TNC: variants seen among roughly 807,000 people sequenced by gnomAD.
The protein encoded by TNC is tenascin C, also known as tenascin.
A neutral mutation model predicts 202.4 loss-of-function variants in TNC; 109 were observed. That is an observed-to-expected ratio of 0.54 (90% CI 0.46 to 0.63). TNC has a LOEUF of 0.63. Among genes scored for constraint, TNC ranks in the 30% least tolerant of loss-of-function variants. The pLI is 0.00. For synonymous variants in TNC, 1,007 were observed against 1,089.7 expected, an observed-to-expected ratio of 0.92 and a Z score of 1.50; for missense variants, 2,756 against 2,833.3, an observed-to-expected ratio of 0.97 and a Z score of 0.62.
chr9:115,033,002 G>T (rs1830061421), intron 22 of TNC, among the ~76,000 whole-genome samples: 1 of 152,334 alleles, frequency 6.6e-6, no homozygotes, highest in South Asian at 2.1e-4. Flanking sequence ...AGCCAGCTTA[G>T]TTTGGGCAGT....
intron 6 of TNC, among the ~76,000 whole-genome samples, chr9:115,079,525 A>G (rs1469042835): frequency 6.6e-6 from 1 of 152,168 alleles, no homozygotes; most frequent in Non-Finnish European, 1.5e-5. Flanking sequence ...CCCTTGCATT[A>G]AAGAAGTTGG....
chr9:115,079,227 C>CTT (rs61492592), intron 6 of TNC, among the ~76,000 whole-genome samples: 1 of 143,168 alleles, frequency 7.0e-6, no homozygotes, highest in Non-Finnish European at 1.5e-5. Context: ...TCTTCTTCTC[C>CTT]TTTTTTTTTT....
chr9:115,087,351 T>G, intron 2 of TNC, 78 bp from the exon 3 acceptor site: 1 of 1,472,630 alleles, frequency 6.8e-7, no homozygotes, highest in Non-Finnish European at 9.2e-7. Context: ...GCACCCAGAT[T>G]CAAATTCAGC....
intron 3 of TNC, among the ~76,000 whole-genome samples, chr9:115,085,250 TA>T (rs967765435): frequency 1.2e-4 from 18 of 151,984 alleles, no homozygotes; most frequent in African/African-American, 4.1e-4. Flanking sequence ...TCTTTAGGAT[TA>T]AAAAAACAAA....
rs1832626169 is a variant in TNC at position 115,062,591 on chromosome 9, AG to A, written c.4033+325del. On this transcript the variant is annotated intron_variant, in intron 13 of 27. Coordinates refer to ENST00000350763, the MANE Select transcript of TNC (RefSeq NM_002160.4). ...ACCATTGCATTCTAGCCTGGGCAAA[AG>A]AATGAGACCCTGACTCAAAAAAAAA... Among the ~76,000 whole-genome samples, 6 of 147,638 alleles carry A rather than the reference AG, an allele frequency of 4.1e-5. No individual in the cohort carries two copies. In the South Asian group the frequency reaches 1.3e-3, roughly 32 times the overall value.
rs77857142 is a variant in TNC, at chr9:115,088,303, G to A, written c.458-1030C>T. ...GGAAGGTTGGCTCAAGTTGGTATGTGGGTTTATATAACCAAAACATTCTAA... is the reference window on the plus strand; with the variant it reads ...GGAAGGTTGGCTCAAGTTGGTATGTAGGTTTATATAACCAAAACATTCTAA... On this transcript the variant is annotated intron_variant, in intron 2 of 27. Transcript: ENST00000350763. Among the ~76,000 whole-genome samples the A allele has an allele frequency of 6.5e-3, 985 of 152,218 alleles. 11 individuals carry two copies. The highest frequency in any genetic ancestry group is 0.023 in the African/African-American group (952 of 41,526).
intron 19 of TNC, 54 bp downstream of exon 19, chr9:115,040,887 G>A (rs1286342078): frequency 9.1e-6 from 14 of 1,538,174 alleles, no homozygotes; most frequent in African/African-American, 1.4e-5. Context: ...GGATGCACAA[G>A]TGACCTCTGA....
chr9:115,070,638 T>A (rs765423125), intron 10 of TNC, among the ~76,000 whole-genome samples: 1 of 152,160 alleles, frequency 6.6e-6, no homozygotes, highest in Non-Finnish European at 1.5e-5. Flanking sequence ...CCAGGAAAAA[T>A]TCTTCAGGGC....
intron 21 of TNC, chr9:115,035,601 T>C (rs1564416469): frequency 2.8e-6 from 1 of 355,982 alleles, no homozygotes; most frequent in Non-Finnish European, 5.1e-6. Flanking sequence ...GTGAACATCA[T>C]TATCAAGCCC....
chr9:115,050,933 T>C (rs886320513), intron 15 of TNC, among the ~76,000 whole-genome samples: 43 of 152,176 alleles, frequency 2.8e-4, no homozygotes, highest in Admixed American at 5.9e-4. Context: ...AAATCCTCAC[T>C]CTTCCAGGAC....
At chr9:115,048,126 G>T in intron 16 of TNC, 134 bp downstream of exon 16, 1 of 1,132,254 alleles carries the variant, frequency 8.8e-7, no homozygotes, top group Non-Finnish European at 1.3e-6. Flanking sequence ...TGGGGAGAAG[G>T]TGAAACAGTA....
intron 19 of TNC, 65 bp from the exon 20 acceptor site, chr9:115,038,445 G>C (rs979585374): frequency 6.3e-7 from 1 of 1,583,902 alleles, no homozygotes; most frequent in South Asian, 1.2e-5. Flanking sequence ...TAGCTGCTCT[G>C]CTGTCCACAC....
chr9:115,117,023 C>T (rs1453744014), intron 1 of TNC, among the ~76,000 whole-genome samples: 1 of 152,184 alleles, frequency 6.6e-6, no homozygotes, highest in Non-Finnish European at 1.5e-5. Context: ...CATTGCTGAT[C>T]TTTCTATACC....
chr9:115,081,464 G>A (rs1335950271), intron 6 of TNC, among the ~76,000 whole-genome samples: 3 of 152,116 alleles, frequency 2.0e-5, no homozygotes, highest in Admixed American at 2.0e-4. Flanking sequence ...CCAGCATCCT[G>A]GAGAATGAGA....
chr9:115,070,625 T>C (rs990568233), intron 10 of TNC, among the ~76,000 whole-genome samples: 27 of 152,188 alleles, frequency 1.8e-4, no homozygotes, highest in Admixed American at 2.6e-4. Flanking sequence ...ACCCTGGAAT[T>C]CCCCAGGAAA....
In TNC at chr9:115,023,897, G is replaced by A. The variant is rs1829276220; in HGVS notation, c.6495+76C>T. The A allele has an allele frequency of 2.0e-6, 3 of 1,501,604 alleles. No homozygotes were observed. The Admixed American group carries it at 5.3e-5, about 27-fold the overall frequency. 93.0% of individuals were successfully genotyped at this position (1,501,604 alleles called of 1,614,324 possible). Reference sequence around the variant, plus strand: ...GCCTCCTAGTCTCTGCTAGGATAGGGAGTTAAATTGTACTTCCATTAGCCC... The same window carrying A: ...GCCTCCTAGTCTCTGCTAGGATAGGAAGTTAAATTGTACTTCCATTAGCCC... On this transcript the variant is annotated intron_variant, in intron 27 of 27. Transcript: ENST00000350763.
intron 21 of TNC, chr9:115,035,845 A>T (rs1282468643): frequency 2.2e-6 from 1 of 446,254 alleles, no homozygotes; most frequent in East Asian, 3.3e-5. Flanking sequence ...CTGTTTTTCC[A>T]CTTACAAAGC....
chr9:115,040,456 C>T (rs1000502363), intron 19 of TNC, among the ~76,000 whole-genome samples: 5 of 152,212 alleles, frequency 3.3e-5, no homozygotes, highest in East Asian at 1.9e-4. Context: ...AGGCAATAGG[C>T]GGGGAGGTGA....
Position 115,105,415 on chromosome 9 carries a change from G to T in TNC, c.-137+12567C>A, listed in dbSNP as rs189765154. ...TTGAATCCTCCCCAAGACTTCTGAG[G>T]TAGTTGTCTTTATTTTTCACAGTTT... On this transcript the variant is annotated intron_variant, in intron 1 of 27. Coordinates refer to ENST00000350763, the MANE Select transcript of TNC (RefSeq NM_002160.4). 7.4e-4 allele frequency among the ~76,000 whole-genome samples: 112 copies of T among 152,272 alleles called. 1 individual carries two copies. The highest frequency in any genetic ancestry group is 6.2e-3 in the Admixed American group (95 of 15,292).
Sources: gnomAD v4.1 joint callset for allele counts (sites outside exome capture counted in the v4.1 genomes callset) on GRCh38, gnomAD v4.1.1 for gene constraint, MANE v1.5 for transcripts, NCBI Gene and HGNC (gene_info 2026-07-23, HGNC 2026-07-21) for gene names.